The following FARS2 variants were observed in gnomAD, a reference collection of about 807,000 sequenced individuals.
The protein encoded by FARS2 is phenylalanine--tRNA ligase, mitochondrial.
A neutral mutation model predicts 46.4 loss-of-function variants in FARS2; 40 were observed. The ratio of observed to expected loss-of-function variants is 0.86; its 90% CI spans 0.67 to 1.12. The LOEUF is 1.12. Among genes scored for constraint, FARS2 ranks in the 50% most tolerant of loss-of-function variants. The pLI is 0.00. For missense variants in FARS2, 513 were observed against 567.9 expected, an observed-to-expected ratio of 0.90 and a Z score of 0.98; for synonymous variants, 234 against 214.9, an observed-to-expected ratio of 1.09 and a Z score of -0.78.
upstream of FARS2, chr6:5,260,951 G>A (rs1187128073): frequency 2.3e-6 from 3 of 1,322,044 alleles, no homozygotes; most frequent in South Asian, 3.5e-5. Context: ...GGCAGGGCTC[G>A]GGGCAGCTAA....
chr6:5,272,406 G>A (rs755004588), intron 1 of FARS2: 4 of 151,824 alleles, frequency 2.6e-5, no homozygotes, highest in Admixed American at 6.6e-5. Flanking sequence ...TATCTTATGC[G>A]GAAATGATAT....
intron 6 of FARS2, among the ~76,000 whole-genome samples, chr6:5,621,618 A>C (rs1215500848): frequency 6.6e-6 from 1 of 152,174 alleles, no homozygotes; most frequent in Non-Finnish European, 1.5e-5. Context: ...AAGGAAACCG[A>C]ATAGCAAGCT....
At chr6:5,748,625 A>G (rs1208612304) in intron 6 of FARS2, among the ~76,000 whole-genome samples, 3 of 152,268 alleles carry the variant, frequency 2.0e-5, no homozygotes, top group Non-Finnish European at 4.4e-5. Flanking sequence ...TCCTAATGGC[A>G]TGGCTGGGGC....
At chr6:5,694,733 G>T (rs1757985539) in intron 6 of FARS2, 1 of 151,456 alleles carries the variant, frequency 6.6e-6, no homozygotes, top group Admixed American at 6.6e-5. Context: ...GCCAGGTGCA[G>T]TGGCTCATAC....
chr6:5,598,963 G>A (rs1774355651), intron 5 of FARS2, among the ~76,000 whole-genome samples: 1 of 152,172 alleles, frequency 6.6e-6, no homozygotes, highest in Admixed American at 6.5e-5. Flanking sequence ...ACAGTCAGAA[G>A]GCCAGCTTTG....
intron 4 of FARS2, among the ~76,000 whole-genome samples, chr6:5,524,080 T>A (rs1769315313): frequency 6.6e-6 from 1 of 150,488 alleles, no homozygotes; most frequent in African/African-American, 2.5e-5. Context: ...TCTATTCTTT[T>A]TAGCCTTTGG....
chr6:5,269,801 A>G (rs1313598609), intron 1 of FARS2, among the ~76,000 whole-genome samples: 1 of 152,248 alleles, frequency 6.6e-6, no homozygotes, highest in Non-Finnish European at 1.5e-5. Flanking sequence ...TATCGTTGAT[A>G]GTATACTGTA....
intron 5 of FARS2, among the ~76,000 whole-genome samples, chr6:5,576,684 T>A (rs1048840846): frequency 1.3e-5 from 2 of 150,030 alleles, no homozygotes; most frequent in African/African-American, 2.4e-5. Flanking sequence ...CCTAATACAG[T>A]AATTGACATT....
chr6:5,330,070 A>G (rs1339670241), intron 1 of FARS2, among the ~76,000 whole-genome samples: 1 of 152,164 alleles, frequency 6.6e-6, no homozygotes, highest in Non-Finnish European at 1.5e-5. Context: ...AGAACAAAAT[A>G]TACTCCTAGC....
At chr6:5,594,809 G>C (rs1124339) in intron 5 of FARS2, among the ~76,000 whole-genome samples, 51,751 of 152,096 alleles carry the variant, frequency 0.34, 11,942 homozygotes, top group African/African-American at 0.66. Context: ...CTGAGGAGGG[G>C]TTCGATGAGG....
At chr6:5,281,890 T>C (rs1766757230) in intron 1 of FARS2, among the ~76,000 whole-genome samples, 1 of 152,116 alleles carries the variant, frequency 6.6e-6, no homozygotes, top group Non-Finnish European at 1.5e-5. Context: ...TCACCCGGAG[T>C]CAGATCATTT....
intron 6 of FARS2, among the ~76,000 whole-genome samples, chr6:5,621,086 A>G (rs1775749814): frequency 6.6e-6 from 1 of 152,186 alleles, no homozygotes. Context: ...CTGTGGGGTC[A>G]TAAGGGTATG....
chr6:5,509,885 C>A (rs748522410), intron 4 of FARS2, among the ~76,000 whole-genome samples: 1 of 152,204 alleles, frequency 6.6e-6, no homozygotes. Flanking sequence ...ATATACACAT[C>A]GTTTCTGGTT....
chr6:5,761,971 G>C (rs1762501595), intron 6 of FARS2, among the ~76,000 whole-genome samples: 2 of 152,152 alleles, frequency 1.3e-5, no homozygotes, highest in Non-Finnish European at 2.9e-5. Flanking sequence ...GCTGTTGTCT[G>C]TTTTGTTTTG....
chr6:5,507,857 G>A (rs1043617666), intron 4 of FARS2, among the ~76,000 whole-genome samples: 1 of 152,212 alleles, frequency 6.6e-6, no homozygotes, highest in African/African-American at 2.4e-5. Context: ...TTGTTTATAA[G>A]TGTGTAGCCT....
At chr6:5,314,908 G>A (rs978054852) in intron 1 of FARS2, among the ~76,000 whole-genome samples, 2 of 121,114 alleles carry the variant, frequency 1.7e-5, no homozygotes, top group Non-Finnish European at 3.5e-5. Context: ...TGTAGCAATC[G>A]ATGTTCTTTG....
At position 5,539,384 on chromosome 6, in the gene FARS2, G is replaced by GTGTATATATATATATA; in HGVS notation, c.905-5795_905-5794insGTATATATATATATAT. Among the ~76,000 whole-genome samples, 211 of 79,558 alleles carry GTGTATATATATATATA rather than the reference G, an allele frequency of 2.7e-3. 16 individuals carry two copies. The highest frequency in any genetic ancestry group is 6.4e-3 in the Middle Eastern group (1 of 156). 52.2% of individuals were successfully genotyped at this position (79,558 alleles called of 152,430 possible). On this transcript the variant is annotated intron_variant, in intron 4 of 6. Coordinates refer to ENST00000274680, the MANE Select transcript of FARS2 (RefSeq NM_006567.5). ...ACCATGCCCACCTAATTTTTTTTGT[G>GTGTATATATATATATA]TATATATATATATATGTATATATTT... is the stretch of plus-strand genomic sequence containing the variant.
chr6:5,598,445 T>C (rs898976798), intron 5 of FARS2, among the ~76,000 whole-genome samples: 1 of 152,182 alleles, frequency 6.6e-6, no homozygotes, highest in Non-Finnish European at 1.5e-5. Flanking sequence ...GTGGTCATGT[T>C]TAGCTTTTTT....
chr6:5,597,685 A>T (rs1774277383), intron 5 of FARS2, among the ~76,000 whole-genome samples: 1 of 152,082 alleles, frequency 6.6e-6, no homozygotes, highest in African/African-American at 2.4e-5. Flanking sequence ...AACATTTCAC[A>T]TTTCTCCCTA....
Sources: allele counts gnomAD v4.1 joint callset (sites outside exome capture counted in the v4.1 genomes callset), GRCh38; gene constraint gnomAD v4.1.1; transcripts MANE v1.5; gene names NCBI Gene and HGNC (gene_info 2026-07-23, HGNC 2026-07-21).